Variants in TIPARP observed in about 807,000 individuals in gnomAD.
The protein encoded by TIPARP is TCDD inducible poly(ADP-ribose) polymerase.
TIPARP carries 12 observed loss-of-function variants against 56.5 expected under a neutral mutation model. The observed-to-expected ratio is 0.21, with a 90% confidence interval of 0.14 to 0.34. TIPARP has a LOEUF of 0.34. Among genes scored for constraint, TIPARP ranks in the 10% least tolerant of loss-of-function variants. TIPARP has a pLI of 1.00. For synonymous variants in TIPARP, 296 were observed against 265.7 expected, an observed-to-expected ratio of 1.11 and a Z score of -1.11; for missense variants, 604 against 781.6, an observed-to-expected ratio of 0.77 and a Z score of 2.71.
Position 156,678,292 on chromosome 3 carries a change from A to G in TIPARP, c.595A>G (p.Ile199Val). Residue 199 changes from isoleucine to valine, a missense_variant, in exon 2 of 6, where the codon ATT (isoleucine) becomes GTT (valine). Ile to Val is a conservative substitution (Grantham distance 29). Coordinates refer to ENST00000295924, the MANE Select transcript of TIPARP (RefSeq NM_015508.5). Reference protein sequence around the residue: ...FQENSFTIQYILDTSDKLSTE... With the variant: ...FQENSFTIQYVLDTSDKLSTE... ...AGAAAACAGTTTTACAATCCAATAC[A>G]TTCTGGACACCAGTGATAAGCTGAG... 3 of 1,614,222 alleles carry G rather than the reference A, an allele frequency of 1.9e-6. No individual in the cohort carries two copies. Among genetic ancestry groups the G allele is most frequent in the Non-Finnish European group, 2.5e-6 (3 of 1,180,044 alleles).
At chr3:156,697,933 A>C (rs1456208950) in intron 4 of TIPARP, among the ~76,000 whole-genome samples, 1 of 152,202 alleles carries the variant, frequency 6.6e-6, no homozygotes, top group Non-Finnish European at 1.5e-5. Flanking sequence ...CCTTAACATT[A>C]GCCAAGTTGT....
intron 4 of TIPARP, among the ~76,000 whole-genome samples, chr3:156,697,890 A>C (rs2108496251): frequency 1.3e-5 from 2 of 152,312 alleles, no homozygotes; most frequent in Middle Eastern, 3.4e-3. Flanking sequence ...GCATGTTGAA[A>C]GCTGAGATAA....
At chr3:156,693,974 T>C in intron 2 of TIPARP, 46 bp from the exon 3 acceptor site, 2 of 1,546,180 alleles carry the variant, frequency 1.3e-6, no homozygotes, top group Non-Finnish European at 1.7e-6. Flanking sequence ...GTTTTACAAA[T>C]TTATTAACAG....
At chr3:156,693,828 G>C (rs1490811459) in intron 2 of TIPARP, among the ~76,000 whole-genome samples, 192 bp from the exon 3 acceptor site, 1 of 152,130 alleles carries the variant, frequency 6.6e-6, no homozygotes, top group East Asian at 1.9e-4. Context: ...TGATTAGAAA[G>C]GGCATGTAGG....
chr3:156,697,932 T>C (rs913983426), intron 4 of TIPARP, among the ~76,000 whole-genome samples: 2 of 152,184 alleles, frequency 1.3e-5, no homozygotes, highest in African/African-American at 4.8e-5. Context: ...GCCTTAACAT[T>C]AGCCAAGTTG....
chr3:156,675,068 C>A (rs149794438), intron 1 of TIPARP: 1 of 152,274 alleles, frequency 6.6e-6, no homozygotes, highest in Non-Finnish European at 1.5e-5. Flanking sequence ...TAGTTGGGGT[C>A]GCAGGCGCCT....
At chr3:156,676,097 A>G (rs1258302539) in intron 1 of TIPARP, among the ~76,000 whole-genome samples, 1 of 152,184 alleles carries the variant, frequency 6.6e-6, no homozygotes, top group Non-Finnish European at 1.5e-5. Flanking sequence ...GGGAAAGCAC[A>G]GGCCGGTTTG....
At chr3:156,696,111 G>GGGCATATTCCATAATTACTTATCA in intron 4 of TIPARP, 86 bp downstream of exon 4, 1 of 1,454,876 alleles carries the variant, frequency 6.9e-7, no homozygotes, top group Non-Finnish European at 9.2e-7. Flanking sequence ...ATAAATAAGA[G>GGGCATATTCCATAATTACTTATCA]TCTACCTTGG....
rs531920745 is a variant in TIPARP at position 156,706,700 on chromosome 3, G to A, written c.*1569G>A. The A allele has an allele frequency of 7.1e-6, 1 of 140,742 alleles. No homozygotes were observed. The highest frequency in any genetic ancestry group is 1.6e-5 in the Non-Finnish European group (1 of 61,454). 8.7% of individuals were successfully genotyped at this position (140,742 alleles called of 1,614,324 possible). The stretch of plus-strand genomic sequence containing the variant: ...TCCTTTTTTTCTCCCTAAGGAAAAA[G>A]AAAGCTTTATGACATATTTATTTTT... On this transcript the variant is annotated 3_prime_UTR_variant, in exon 6 of 6. Coordinates refer to ENST00000295924, the MANE Select transcript of TIPARP (RefSeq NM_015508.5).
At chr3:156,695,546 C>T (rs141330329) in intron 3 of TIPARP, among the ~76,000 whole-genome samples, 1,574 of 152,096 alleles carry the variant, frequency 0.01, 15 homozygotes, top group African/African-American at 0.035. Context: ...TTTAATTCCT[C>T]TTTTGAAAAC....
At position 156,705,740 on chromosome 3, in the gene TIPARP, A is replaced by C. The variant is rs965127612; in HGVS notation, c.*609A>C. The C allele has an allele frequency of 4.6e-5, 7 of 152,664 alleles. No homozygotes were observed. The highest frequency in any genetic ancestry group is 1.7e-4 in the African/African-American group (7 of 41,460). 9.5% of individuals were successfully genotyped at this position (152,664 alleles called of 1,614,324 possible). ...AGTTTGCCCCAGAATTCAGAGTTCT[A>C]TTTAGAGGAAGTTAAAACAACAACA... On this transcript the variant is annotated 3_prime_UTR_variant, in exon 6 of 6. Transcript: ENST00000295924.
chr3:156,699,725 A>G (rs976079387), intron 4 of TIPARP, among the ~76,000 whole-genome samples: 4 of 152,232 alleles, frequency 2.6e-5, no homozygotes, highest in African/African-American at 9.6e-5. Flanking sequence ...TGGGCTTACA[A>G]GAGAACAAAA....
chr3:156,675,499 G>A (rs945806650), intron 1 of TIPARP: 1 of 152,522 alleles, frequency 6.6e-6, no homozygotes, highest in African/African-American at 2.4e-5. Context: ...CTGGACAGGA[G>A]TTGGGGGGCG....
chr3:156,690,892 T>C (rs1722556205), intron 2 of TIPARP, among the ~76,000 whole-genome samples: 1 of 152,156 alleles, frequency 6.6e-6, no homozygotes, highest in Non-Finnish European at 1.5e-5. Flanking sequence ...CTGTCTCTCT[T>C]GCTCAGTTTC....
chr3:156,704,656 T>A (rs753432983), intron 5 of TIPARP, 28 bp from the exon 6 acceptor site: 17 of 1,590,434 alleles, frequency 1.1e-5, no homozygotes, highest in Non-Finnish European at 1.3e-5. Flanking sequence ...TTCATCCTTC[T>A]GAATTCTCTG....
rs1044153397 is a variant in TIPARP at position 156,706,716 on chromosome 3, A to G, written c.*1585A>G. ...AAGGAAAAAGAAAGCTTTATGACAT[A>G]TTTATTTTTTTAATAAAACTAAGCA... On this transcript the variant is annotated 3_prime_UTR_variant, in exon 6 of 6. Transcript: ENST00000295924. The G allele has an allele frequency of 6.6e-6, 1 of 152,598 alleles. No homozygotes were observed. The highest frequency in any genetic ancestry group is 2.4e-5 in the African/African-American group (1 of 41,426). 9.5% of individuals were successfully genotyped at this position (152,598 alleles called of 1,614,324 possible).
chr3:156,680,059 T>A (rs1424359732), intron 2 of TIPARP, among the ~76,000 whole-genome samples: 1 of 152,182 alleles, frequency 6.6e-6, no homozygotes, highest in African/African-American at 2.4e-5. Context: ...AACTTAATTA[T>A]CATGAGACTA....
chr3:156,695,181 A>G (rs1722680103), intron 3 of TIPARP, among the ~76,000 whole-genome samples: 1 of 148,534 alleles, frequency 6.7e-6, no homozygotes, highest in Non-Finnish European at 1.5e-5. Context: ...CTTGAACTTT[A>G]TATACCACCA....
In TIPARP at chr3:156,695,826, C is replaced by CTTTTTTTTTTTTTT. The variant is rs10631452; in HGVS notation, c.1087-35_1087-22dup. 1.3e-4 allele frequency: 129 copies of CTTTTTTTTTTTTTT among 1,031,198 alleles called. 9 individuals are homozygous for CTTTTTTTTTTTTTT. The highest frequency in any genetic ancestry group is 9.7e-4 in the South Asian group (32 of 32,824). The allele number at this position is 1,031,198 out of a possible 1,614,324, so 63.9% of individuals were successfully genotyped here. On this transcript the variant is annotated intron_variant, in intron 3 of 5. Transcript: ENST00000295924. Reference sequence around the variant, plus strand: ...TTTTTAACCATGATTATTAACTTTCCTTTTTTTTTTTTTTTTTGTTCTGTT... The same window carrying CTTTTTTTTTTTTTT: ...TTTTTAACCATGATTATTAACTTTCCTTTTTTTTTTTTTTTTTTTTTTTTTTTTTTTGTTCTGTT...
Sources: gnomAD v4.1 joint callset for allele counts (sites outside exome capture counted in the v4.1 genomes callset) on GRCh38, gnomAD v4.1.1 for gene constraint, MANE v1.5 for transcripts, NCBI Gene and HGNC (gene_info 2026-07-23, HGNC 2026-07-21) for gene names.